AACS: variants seen among roughly 807,000 people sequenced by gnomAD.
The protein encoded by AACS is acetoacetyl-CoA synthetase.
A neutral mutation model predicts 83.1 loss-of-function variants in AACS; 69 were observed. The observed-to-expected ratio is 0.83, with a 90% CI of 0.68 to 1.01. AACS has a LOEUF of 1.01. AACS is among the 50% of genes least tolerant of loss of function. The probability of loss-of-function intolerance (pLI) is 0.00; values close to 1 mark genes in which losing one functional copy is unlikely to be tolerated. For synonymous variants in AACS, 333 were observed against 343.4 expected (o/e 0.97, Z 0.33); for missense variants, 866 against 882.2 (o/e 0.98, Z 0.23).
intron 3 of AACS, among the ~76,000 whole-genome samples, chr12:125,079,209 GC>G (rs1251323613): frequency 1.3e-5 from 2 of 152,288 alleles, no homozygotes; most frequent in East Asian, 3.9e-4. Flanking sequence ...GAGCTGGGGG[GC>G]CTCGGTGGTG....
intron 1 of AACS, among the ~76,000 whole-genome samples, chr12:125,072,830 A>G (rs574381654): frequency 3.1e-4 from 47 of 150,822 alleles, no homozygotes; most frequent in African/African-American, 1.1e-3. Flanking sequence ...AGTATAACTG[A>G]GTGGAATCTG....
intron 17 of AACS, chr12:125,141,743 C>T (rs1957498728): frequency 4.5e-6 from 1 of 222,136 alleles, no homozygotes. Context: ...AATGAACATG[C>T]TCATGGTGAC....
chr12:125,072,914 CTTT>C (rs1468407659), intron 1 of AACS, among the ~76,000 whole-genome samples: 1 of 112,200 alleles, frequency 8.9e-6, no homozygotes, highest in South Asian at 3.2e-4. Flanking sequence ...TACCATGTAA[CTTT>C]TGTTTTTTTT....
intron 5 of AACS, chr12:125,102,313 G>A (rs1020243276): frequency 1.5e-5 from 3 of 196,564 alleles, no homozygotes; most frequent in African/African-American, 7.1e-5. Flanking sequence ...GCCTCTCAAA[G>A]TGCTTGGATT....
intron 4 of AACS, among the ~76,000 whole-genome samples, chr12:125,088,162 A>G (rs975702591): frequency 1.3e-5 from 2 of 151,690 alleles, no homozygotes; most frequent in African/African-American, 4.9e-5. Flanking sequence ...GGCACCTAGC[A>G]GCATCTAAGA....
rs893468571 is a variant in AACS at position 125,097,288 on chromosome 12, T to C, written c.571-5391T>C. Among the ~76,000 whole-genome samples the C allele has an allele frequency of 6.6e-6, 1 of 151,902 alleles. No individual in the cohort carries two copies. The highest frequency in any genetic ancestry group is 6.5e-5 in the Admixed American group (1 of 15,270). On this transcript the variant is annotated intron_variant, in intron 5 of 17. Transcript: ENST00000316519. The surrounding 1 kb of genome is among the most constrained non-coding windows in gnomAD (Gnocchi z 4.3). The stretch of plus-strand genomic sequence containing the variant: ...ACCAAGGACGTCACTGAGGAAGGGG[T>C]ACCGGGGGTACCCTTGAAATGGAGG...
At chr12:125,137,970 T>G (rs1957423408) in intron 17 of AACS, among the ~76,000 whole-genome samples, 2 of 152,222 alleles carry the variant, frequency 1.3e-5, no homozygotes, top group South Asian at 4.1e-4. Flanking sequence ...TGTTGAAATA[T>G]CTGATGCCGT....
At chr12:125,084,317 C>CA (rs112950529) in intron 3 of AACS, among the ~76,000 whole-genome samples, 23,025 of 144,426 alleles carry the variant, frequency 0.16, 1,987 homozygotes, top group East Asian at 0.25. Flanking sequence ...GACTCCATCT[C>CA]AAAAAAAAAA....
intron 3 of AACS, among the ~76,000 whole-genome samples, chr12:125,080,673 A>AT (rs928899220): frequency 6.6e-6 from 1 of 150,636 alleles, no homozygotes; most frequent in African/African-American, 2.4e-5. Context: ...TTTTAAAATT[A>AT]TTTTTTATTT....
In AACS at chr12:125,078,221, G is replaced by A. The variant is rs535727254; in HGVS notation, c.358+1610G>A. On this transcript the variant is annotated intron_variant, in intron 3 of 17. Transcript: ENST00000316519. ...CCCCTGTGCAGTTGGTAAAGATCATGGCAGTCCAGTTCCCACCGAGACTTA... is the reference window on the plus strand; with the variant it reads ...CCCCTGTGCAGTTGGTAAAGATCATAGCAGTCCAGTTCCCACCGAGACTTA... 4.8e-5 allele frequency: 22 copies of A among 455,880 alleles called. 1 individual carries two copies. Among genetic ancestry groups the A allele is most frequent in the South Asian group, 3.4e-4 (22 of 64,528 alleles). The allele number at this position is 455,880 out of a possible 1,614,324, so 28.2% of individuals were successfully genotyped here.
chr12:125,123,904 G>A (rs1957199019), intron 10 of AACS: 1 of 152,264 alleles, frequency 6.6e-6, no homozygotes, highest in African/African-American at 2.4e-5. Flanking sequence ...AGCAGCGTGT[G>A]TTGTTCTGTG....
At chr12:125,075,712 G>A (rs1337813339) in intron 2 of AACS, among the ~76,000 whole-genome samples, 4 of 151,732 alleles carry the variant, frequency 2.6e-5, no homozygotes, top group African/African-American at 9.7e-5. Flanking sequence ...TCCTGCCTCA[G>A]CCTCCCCAGC....
Position 125,129,214 on chromosome 12 carries a change from C to A in AACS, c.1424-121C>A. The stretch of plus-strand genomic sequence containing the variant: ...ACAGGTGTGTGGGCGTGGACCATCT[C>A]TGTACCTTTGTATATGTCTGGAATA... On this transcript the variant is annotated intron_variant, in intron 13 of 17. Coordinates refer to ENST00000316519, the MANE Select transcript of AACS (RefSeq NM_023928.5). This position sits in a 1 kb window ranked among gnomAD's most constrained non-coding sequence, Gnocchi z 4.3. The A allele has an allele frequency of 7.1e-7, 1 of 1,400,618 alleles. No individual in the cohort carries two copies. Among genetic ancestry groups the A allele is most frequent in the Non-Finnish European group, 9.5e-7 (1 of 1,053,392 alleles). The allele number at this position is 1,400,618 out of a possible 1,614,324, so 86.8% of individuals were successfully genotyped here.
At chr12:125,096,826 G>A (rs1281635948) in intron 5 of AACS, among the ~76,000 whole-genome samples, 1 of 152,054 alleles carries the variant, frequency 6.6e-6, no homozygotes, top group African/African-American at 2.4e-5. Context: ...CTGAGAATGG[G>A]GAAGAGGGGC....
At position 125,107,288 on chromosome 12, in the gene AACS, T is replaced by C; in HGVS notation, c.915+20T>C. The stretch of plus-strand genomic sequence containing the variant: ...GCTGGGGTAGGTCTCTGGGGAAGGC[T>C]CTGCAGGGCCTCCTGTTGTCTGTTT... On this transcript the variant is annotated intron_variant, in intron 8 of 17. Coordinates refer to ENST00000316519, the MANE Select transcript of AACS (RefSeq NM_023928.5). 1 of 1,610,574 alleles carries C rather than the reference T, an allele frequency of 6.2e-7. No homozygotes were observed.
In AACS at chr12:125,129,670, A is replaced by G. The variant is rs139008698; in HGVS notation, c.1549+210A>G. 2.0e-3 allele frequency among the ~76,000 whole-genome samples: 310 copies of G among 152,268 alleles called. 3 individuals carry two copies. Among genetic ancestry groups the G allele is most frequent in the African/African-American group, 6.7e-3 (280 of 41,558 alleles). The stretch of plus-strand genomic sequence containing the variant: ...CTTGAAGCTATCGTGTGCAACTGCA[A>G]TCTGGTTTAGTTGAATCTCAGCCAC... On this transcript the variant is annotated intron_variant, in intron 14 of 17. Transcript: ENST00000316519. This position sits in a 1 kb window ranked among gnomAD's most constrained non-coding sequence, Gnocchi z 4.3.
intron 1 of AACS, among the ~76,000 whole-genome samples, chr12:125,071,753 TGTG>T (rs1014600555): frequency 6.6e-5 from 10 of 152,156 alleles, no homozygotes; most frequent in African/African-American, 2.4e-4. Flanking sequence ...CCAGGGTCCT[TGTG>T]GTGTCAAGAG....
Position 125,129,381 on chromosome 12 carries a change from G to C in AACS, c.1470G>C (p.Pro490=), listed in dbSNP as rs776282181. ...GESGELVCTK[P]IPCQPTHFWN... The stretch of plus-strand genomic sequence containing the variant: ...GCGGCGAGCTGGTGTGTACTAAGCC[G>C]ATCCCTTGCCAGCCCACACACTTCT... Residue 490 remains proline, a synonymous_variant, in exon 14 of 18, where the codon CCG becomes CCC. Coordinates refer to ENST00000316519, the MANE Select transcript of AACS (RefSeq NM_023928.5). This position sits in a 1 kb window ranked among gnomAD's most constrained non-coding sequence, Gnocchi z 4.3. 1.2e-6 allele frequency: 2 copies of C among 1,614,016 alleles called. No homozygotes were observed. Among genetic ancestry groups the C allele is most frequent in the Non-Finnish European group, 1.7e-6 (2 of 1,179,998 alleles).
At position 125,142,082 on chromosome 12, in the gene AACS, T is replaced by C. The variant is rs1957505850; in HGVS notation, c.1882-10T>C. Reference sequence around the variant, plus strand: ...TTAAATGTTCCTGTTTTTCTACCTTTCCCTCGCAGTATACGCTCAACGGCA... The same window carrying C: ...TTAAATGTTCCTGTTTTTCTACCTTCCCCTCGCAGTATACGCTCAACGGCA... On this transcript the variant is annotated splice_polypyrimidine_tract_variant and intron_variant, in intron 17 of 17. Coordinates refer to ENST00000316519, the MANE Select transcript of AACS (RefSeq NM_023928.5). 2 of 1,613,748 alleles carry C rather than the reference T, an allele frequency of 1.2e-6. No homozygotes were observed. The highest frequency in any genetic ancestry group is 1.7e-4 in the Middle Eastern group (1 of 6,004).
Sources: allele counts gnomAD v4.1 joint callset (sites outside exome capture counted in the v4.1 genomes callset), GRCh38; gene constraint gnomAD v4.1.1; non-coding constraint Gnocchi (gnomAD v3.1); transcripts MANE v1.5; gene names NCBI Gene and HGNC (gene_info 2026-07-23, HGNC 2026-07-21).